CLASP1: variants seen among roughly 807,000 people sequenced by gnomAD.
CLASP1 encodes the protein cytoplasmic linker associated protein 1.
CLASP1 carries 38 observed loss-of-function variants against 192.3 expected under a neutral mutation model. The ratio of observed to expected loss-of-function variants is 0.20; its 90% CI spans 0.15 to 0.26. CLASP1 has a LOEUF of 0.26. CLASP1 is among the 10% of genes least tolerant of loss of function. The pLI is 1.00. For missense variants in CLASP1, 1,433 were observed against 1,932.5 expected, an observed-to-expected ratio of 0.74 and a Z score of 4.85; for synonymous variants, 691 against 712.8, an observed-to-expected ratio of 0.97 and a Z score of 0.49.
chr2:121,575,100 C>T (rs2060375570), intron 2 of CLASP1, among the ~76,000 whole-genome samples: 1 of 151,958 alleles, frequency 6.6e-6, no homozygotes, highest in African/African-American at 2.4e-5. Context: ...CAATTTCTGT[C>T]AATTAAAAAT....
chr2:121,611,717 T>TGA (rs2065556432), intron 1 of CLASP1, among the ~76,000 whole-genome samples: 1 of 122,752 alleles, frequency 8.1e-6, no homozygotes, highest in African/African-American at 3.0e-5. Flanking sequence ...GAAGAAGAAC[T>TGA]GGAGGAGGAG....
chr2:121,488,592 A>T (rs537515802), intron 8 of CLASP1, among the ~76,000 whole-genome samples: 1 of 152,294 alleles, frequency 6.6e-6, no homozygotes, highest in Admixed American at 6.5e-5. Context: ...TAACCCAATT[A>T]TAGAAAACCC....
intron 2 of CLASP1, among the ~76,000 whole-genome samples, chr2:121,599,916 CAAAAAAAA>C (rs749861641): frequency 1.3e-5 from 1 of 78,458 alleles, no homozygotes; most frequent in Admixed American, 1.4e-4. Flanking sequence ...GAGACTCTGT[CAAAAAAAA>C]AAAAAAAAAA....
At chr2:121,542,623 A>C (rs2095256668) in intron 2 of CLASP1, among the ~76,000 whole-genome samples, 1 of 152,238 alleles carries the variant, frequency 6.6e-6, no homozygotes, top group Non-Finnish European at 1.5e-5. Context: ...GCTCAACCCA[A>C]TAACAATGCC....
At chr2:121,351,529 T>C (rs761988886) in intron 37 of CLASP1, among the ~76,000 whole-genome samples, 6 of 152,214 alleles carry the variant, frequency 3.9e-5, no homozygotes, top group Non-Finnish European at 7.3e-5. Flanking sequence ...AAAGAAGCCC[T>C]ACCTCCCTCA....
intron 25 of CLASP1, among the ~76,000 whole-genome samples, chr2:121,406,433 T>A (rs1030438803): frequency 2.6e-5 from 4 of 152,172 alleles, no homozygotes; most frequent in Non-Finnish European, 5.9e-5. Flanking sequence ...TAACATTTAA[T>A]CCAAGACCCT....
At chr2:121,549,460 A>G (rs1479929704) in intron 2 of CLASP1, among the ~76,000 whole-genome samples, 1 of 152,188 alleles carries the variant, frequency 6.6e-6, no homozygotes, top group Non-Finnish European at 1.5e-5. Context: ...AGAGACCTTC[A>G]AAGAGATTTA....
At chr2:121,637,956 G>C (rs2071215569) in intron 1 of CLASP1, among the ~76,000 whole-genome samples, 1 of 150,844 alleles carries the variant, frequency 6.6e-6, no homozygotes, top group Admixed American at 6.6e-5. Context: ...ACTTTAAAAA[G>C]AATAAAAAAC....
intron 2 of CLASP1, among the ~76,000 whole-genome samples, chr2:121,551,463 C>T (rs546742568): frequency 6.6e-6 from 1 of 152,256 alleles, no homozygotes; most frequent in African/African-American, 2.4e-5. Flanking sequence ...ACAGTCTCGG[C>T]CCAAAAGCTC....
At chr2:121,505,257 G>C (rs1379249672) in intron 7 of CLASP1, 1 of 152,124 alleles carries the variant, frequency 6.6e-6, no homozygotes, top group Non-Finnish European at 1.5e-5. Flanking sequence ...ATTCTAAATG[G>C]TAATTGTGTA....
chr2:121,530,507 T>A (rs2094748911), intron 2 of CLASP1, 182 bp from the exon 3 acceptor site: 1 of 587,916 alleles, frequency 1.7e-6, no homozygotes, highest in Non-Finnish European at 3.1e-6. Flanking sequence ...AAAAGAGCTA[T>A]GTACAGCTAT....
chr2:121,421,054 G>A (rs1004642074), intron 22 of CLASP1, among the ~76,000 whole-genome samples: 3 of 151,992 alleles, frequency 2.0e-5, no homozygotes, highest in African/African-American at 4.8e-5. Context: ...CTAATTGTCC[G>A]TTTATGATTT....
At chr2:121,383,131 G>T (rs2072163521) in intron 32 of CLASP1, among the ~76,000 whole-genome samples, 1 of 152,224 alleles carries the variant, frequency 6.6e-6, no homozygotes, top group Admixed American at 6.5e-5. Flanking sequence ...AGGATGGAGG[G>T]AGAGACTGGG....
intron 14 of CLASP1, among the ~76,000 whole-genome samples, chr2:121,456,363 A>G (rs1048932512): frequency 1.6e-4 from 25 of 151,648 alleles, no homozygotes; most frequent in Non-Finnish European, 3.5e-4. Flanking sequence ...AAAAAAAGAA[A>G]AAAGATTAGT....
intron 14 of CLASP1, among the ~76,000 whole-genome samples, chr2:121,453,566 T>C (rs1268849045): frequency 6.6e-6 from 1 of 152,274 alleles, no homozygotes; most frequent in East Asian, 1.9e-4. Context: ...TCCCCATTCC[T>C]GCCCCAATCC....
intron 25 of CLASP1, among the ~76,000 whole-genome samples, chr2:121,407,088 C>T (rs2077028736): frequency 6.6e-6 from 1 of 151,802 alleles, no homozygotes; most frequent in East Asian, 1.9e-4. Flanking sequence ...TGGTGGTGTA[C>T]CCCCGTAGTC....
intron 14 of CLASP1, 52 bp from the exon 15 acceptor site, chr2:121,451,901 T>C (rs1239636562): frequency 1.5e-6 from 2 of 1,309,736 alleles, no homozygotes; most frequent in African/African-American, 1.5e-5. Flanking sequence ...TTAGTGAAAA[T>C]GAAAACGGCA....
intron 22 of CLASP1, among the ~76,000 whole-genome samples, chr2:121,419,562 A>T (rs2079148791): frequency 2.6e-5 from 4 of 152,076 alleles, no homozygotes; most frequent in African/African-American, 9.7e-5. Flanking sequence ...ACAGCAAATA[A>T]CTTTCTGATT....
intron 19 of CLASP1, among the ~76,000 whole-genome samples, chr2:121,439,864 C>T (rs1381248041): frequency 1.4e-5 from 2 of 144,336 alleles, no homozygotes; most frequent in Non-Finnish European, 3.0e-5. Flanking sequence ...TATTCTCACT[C>T]CTAGGTGGGA....
Sources: allele counts gnomAD v4.1 joint callset (sites outside exome capture counted in the v4.1 genomes callset), GRCh38; gene constraint gnomAD v4.1.1; transcripts MANE v1.5; gene names NCBI Gene and HGNC (gene_info 2026-07-23, HGNC 2026-07-21).